The following ZNF761 variants were observed in gnomAD, a reference collection of about 807,000 sequenced individuals.
ZNF761 encodes the protein zinc finger protein 761.
Under a neutral mutation model 59.9 loss-of-function variants are expected in ZNF761, and 43 were observed. The observed-to-expected ratio is 0.72, with a 90% confidence interval of 0.56 to 0.92. ZNF761 has a LOEUF of 0.92. Ranked by LOEUF, ZNF761 falls within the 40% of genes least tolerant of loss-of-function variation. ZNF761 has a pLI of 0.00. For synonymous variants in ZNF761, 294 were observed against 304.8 expected (o/e 0.96, Z 0.37); for missense variants, 850 against 906.1 (o/e 0.94, Z 0.79).
chr19:53,435,050 G>C (rs2086023791), intron 1 of ZNF761, among the ~76,000 whole-genome samples: 1 of 152,044 alleles, frequency 6.6e-6, no homozygotes, highest in African/African-American at 2.4e-5. Flanking sequence ...GGTAAGTCTG[G>C]CTTTAGAATG....
At chr19:53,441,144 T>C (rs7248202) in intron 1 of ZNF761, among the ~76,000 whole-genome samples, 39,000 of 151,996 alleles carry the variant, frequency 0.26, 6,063 homozygotes, top group African/African-American at 0.44. Flanking sequence ...TAGCCAGGCA[T>C]GGTGGTGTGC....
At chr19:53,443,244 C>T (rs1227710345) in intron 1 of ZNF761, 1 of 159,006 alleles carries the variant, frequency 6.3e-6, no homozygotes, top group African/African-American at 2.4e-5. Flanking sequence ...CATCTGTGAA[C>T]ATCTTGAGCT....
intron 4 of ZNF761, among the ~76,000 whole-genome samples, chr19:53,450,723 C>T (rs540172996): frequency 2.0e-5 from 3 of 151,754 alleles, no homozygotes; most frequent in Admixed American, 2.0e-4. Flanking sequence ...TTCTTGTGCC[C>T]CAGTGGCTCA....
At chr19:53,442,710 G>T (rs114852631) in intron 1 of ZNF761, 14,594 of 312,766 alleles carry the variant, frequency 0.047, 5,467 homozygotes, top group African/African-American at 0.094. Context: ...GATCTTTAAC[G>T]GGAAGGCTGC....
At chr19:53,438,700 A>T (rs1028974230) in intron 1 of ZNF761, among the ~76,000 whole-genome samples, 2 of 152,194 alleles carry the variant, frequency 1.3e-5, no homozygotes, top group African/African-American at 4.8e-5. Flanking sequence ...TCGGAGTTAG[A>T]AGTGCACAAA....
In ZNF761 at chr19:53,456,548, CATAG is replaced by C; in HGVS notation, c.2043_2046del (p.Arg682PhefsTer90). On this transcript the variant is annotated frameshift_variant, in exon 5 of 5. Coordinates refer to ENST00000684525, the MANE Select transcript of ZNF761 (RefSeq NM_001289951.2). LOFTEE classifies it high-confidence loss of function. ...TCGGAAGTCATATTTTATATGCCATCATAGACTTCATACTGGAGAGAAACCTTAT... is the reference window on the plus strand; with the variant it reads ...TCGGAAGTCATATTTTATATGCCATCACTTCATACTGGAGAGAAACCTTAT... 1 of 1,611,748 alleles carries C rather than the reference CATAG, an allele frequency of 6.2e-7. No individual in the cohort carries two copies. The highest frequency in any genetic ancestry group is 8.5e-7 in the Non-Finnish European group (1 of 1,178,554).
intron 1 of ZNF761, chr19:53,444,922 C>T (rs2086139810): frequency 1.3e-5 from 2 of 152,066 alleles, no homozygotes; most frequent in African/African-American, 4.8e-5. Flanking sequence ...CCTGCCTCAG[C>T]TTTTCCCCAA....
intron 2 of ZNF761, among the ~76,000 whole-genome samples, chr19:53,446,625 A>G (rs1470890232): frequency 6.6e-6 from 1 of 152,012 alleles, no homozygotes; most frequent in Non-Finnish European, 1.5e-5. Context: ...CACCCTCCTC[A>G]GCCTTCCAGA....
At chr19:53,439,012 G>T (rs139734047) in intron 1 of ZNF761, among the ~76,000 whole-genome samples, 3 of 152,146 alleles carry the variant, frequency 2.0e-5, no homozygotes, top group African/African-American at 7.2e-5. Context: ...GGTGGTTTGC[G>T]CCTCTCATCC....
At position 53,456,511 on chromosome 19, in the gene ZNF761, C is replaced by G. The variant is rs2086273364; in HGVS notation, c.2004C>G (p.Gly668=). The G allele has an allele frequency of 1.2e-6, 2 of 1,613,162 alleles. No individual in the cohort carries two copies. Among genetic ancestry groups the G allele is most frequent in the African/African-American group, 1.3e-5 (1 of 74,856 alleles). The part of the protein sequence containing the change: ...GEKPYKCNEC[G]KTFSRKSYFI... ...AACCTTACAAGTGTAATGAGTGTGGCAAGACCTTTAGTCGGAAGTCATATT... is the reference window on the plus strand; with the variant it reads ...AACCTTACAAGTGTAATGAGTGTGGGAAGACCTTTAGTCGGAAGTCATATT... The change falls in exon 5 of 5, where the codon GGC becomes GGG. Residue 668 remains glycine (G), a synonymous_variant. Coordinates refer to ENST00000684525, the MANE Select transcript of ZNF761 (RefSeq NM_001289951.2).
At position 53,445,689 on chromosome 19, in the gene ZNF761, A is replaced by T. The variant is rs542198571; in HGVS notation, c.-184-538A>T. Among the ~76,000 whole-genome samples, 71 of 152,090 alleles carry T rather than the reference A, an allele frequency of 4.7e-4. 1 individual carries two copies. The highest frequency in any genetic ancestry group is 1.1e-3 in the African/African-American group (45 of 41,506). On this transcript the variant is annotated intron_variant, in intron 1 of 4. Coordinates refer to ENST00000684525, the MANE Select transcript of ZNF761 (RefSeq NM_001289951.2). The stretch of plus-strand genomic sequence containing the variant: ...GATGCAGTACCCCAAAAATAAAATT[A>T]AAAAAAATTTTTTAAAAAAACGTGA...
chr19:53,447,897 A>G (rs375321105), intron 3 of ZNF761, among the ~76,000 whole-genome samples: 2 of 152,220 alleles, frequency 1.3e-5, no homozygotes, highest in Admixed American at 6.5e-5. Context: ...TCATTAAACC[A>G]TTCTTAGCAC....
chr19:53,456,384 G>C lies in ZNF761; in HGVS notation c.1877G>C (p.Arg626Thr). The C allele has an allele frequency of 6.2e-7, 1 of 1,614,034 alleles. No homozygotes were observed. Among genetic ancestry groups the C allele is most frequent in the Non-Finnish European group, 8.5e-7 (1 of 1,179,986 alleles). ...SRTSSLTCHR[R>T]LHTGEKPYKC... ...ACGTCATCCCTTACATGCCATCGTA[G>C]ACTTCATACCGGAGAGAAACCTTAC... Residue 626 changes from arginine to threonine, a missense_variant, in exon 5 of 5, where the codon AGA becomes ACA. By Grantham distance (71) the Arg-to-Thr change is moderately conservative (BLOSUM62 -1). Transcript: ENST00000684525.
intron 2 of ZNF761, among the ~76,000 whole-genome samples, 163 bp downstream of exon 2, chr19:53,446,500 T>C (rs1454103829): frequency 1.3e-5 from 2 of 152,124 alleles, no homozygotes; most frequent in Admixed American, 6.5e-5. Flanking sequence ...CTCCACTTCC[T>C]GAGTAGCTGG....
Position 53,455,060 on chromosome 19 carries a change from A to G in ZNF761, c.553A>G (p.Lys185Glu), listed in dbSNP as rs140502690. 25 of 1,614,084 alleles carry G rather than the reference A, an allele frequency of 1.5e-5. No individual in the cohort carries two copies. The highest frequency in any genetic ancestry group is 2.0e-5 in the Non-Finnish European group (24 of 1,180,038). The change falls in exon 5 of 5, where the codon AAA becomes GAA. Residue 185 changes from lysine (K) to glutamate (E), a missense_variant. By Grantham distance (56) the Lys-to-Glu change is moderately conservative (BLOSUM62 1). Transcript: ENST00000684525. ...AGCCCAAAGAATTTCTTGTAGGCCC[A>G]AAACCCATATATCTAATAACCATGG... is the stretch of plus-strand genomic sequence containing the variant. ...STAQRISCRP[K>E]THISNNHGNN...
chr19:53,457,405 C>G lies in ZNF761; in HGVS notation c.*657C>G, dbSNP rs1427710839. The G allele has an allele frequency of 2.5e-6, 1 of 402,106 alleles. No individual in the cohort carries two copies. The highest frequency in any genetic ancestry group is 2.1e-5 in the African/African-American group (1 of 47,982). 24.9% of individuals were successfully genotyped at this position (402,106 alleles called of 1,614,324 possible). A position where few individuals can be genotyped will look rare whatever the true frequency, so the allele number is the denominator to read the frequency against. On this transcript the variant is annotated 3_prime_UTR_variant, in exon 5 of 5. Coordinates refer to ENST00000684525, the MANE Select transcript of ZNF761 (RefSeq NM_001289951.2). Reference sequence around the variant, plus strand: ...TAGGAGAATTCATACAGGAGAGAAACCTCACATGTGTGATGATAGTGGCAA... The same window carrying G: ...TAGGAGAATTCATACAGGAGAGAAAGCTCACATGTGTGATGATAGTGGCAA...
At chr19:53,452,008 T>C (rs968388579) in intron 4 of ZNF761, among the ~76,000 whole-genome samples, 1 of 152,020 alleles carries the variant, frequency 6.6e-6, no homozygotes, top group African/African-American at 2.4e-5. Context: ...GTGATGTTGA[T>C]GAGATGCTCC....
rs2086158436 is a variant in ZNF761 at position 53,446,281 on chromosome 19, G to C, written c.-130G>C. On this transcript the variant is annotated 5_prime_UTR_variant, in exon 2 of 5. Transcript: ENST00000684525. ...ATGATCTTGGGTCACTGCAACCTCT[G>C]TTTCCTGGGTTCAAGTGATTCTTGT... 1 of 152,122 alleles carries C rather than the reference G, an allele frequency of 6.6e-6. No homozygotes were observed. The highest frequency in any genetic ancestry group is 2.4e-5 in the African/African-American group (1 of 41,408). The allele number at this position is 152,122 out of a possible 1,614,324, so 9.4% of individuals were successfully genotyped here.
At chr19:53,433,128 C>G (rs60523061) in intron 1 of ZNF761, among the ~76,000 whole-genome samples, 12,682 of 150,686 alleles carry the variant, frequency 0.084, 614 homozygotes, top group Middle Eastern at 0.13. Flanking sequence ...GAGGACTAGA[C>G]AGACTGATAT....
Sources: allele counts gnomAD v4.1 joint callset (sites outside exome capture counted in the v4.1 genomes callset), GRCh38; gene constraint gnomAD v4.1.1; transcripts MANE v1.5; gene names NCBI Gene and HGNC (gene_info 2026-07-23, HGNC 2026-07-21).